SKAP1: variants seen among roughly 807,000 people sequenced by gnomAD.
SKAP1 encodes the protein src kinase associated phosphoprotein 1, also known as src kinase-associated phosphoprotein 1.
A neutral mutation model predicts 58.5 loss-of-function variants in SKAP1; 44 were observed. The ratio of observed to expected loss-of-function variants is 0.75; its 90% CI spans 0.59 to 0.97. SKAP1 has a LOEUF of 0.97. SKAP1 is among the 50% of genes least tolerant of loss of function. SKAP1 has a pLI of 0.00. For synonymous variants in SKAP1, 127 were observed against 149.7 expected (o/e 0.85, Z 1.11); for missense variants, 390 against 435.2 (o/e 0.90, Z 0.92).
intron 4 of SKAP1, among the ~76,000 whole-genome samples, chr17:48,319,138 G>A (rs2066327731): frequency 6.6e-6 from 1 of 152,138 alleles, no homozygotes. Context: ...GTATGAAACT[G>A]GAGCTGGATC....
intron 4 of SKAP1, among the ~76,000 whole-genome samples, chr17:48,306,840 G>A (rs117413142): frequency 6.6e-6 from 1 of 152,148 alleles, no homozygotes; most frequent in Non-Finnish European, 1.5e-5. Flanking sequence ...TTAAAATGGA[G>A]ACTACAACCT....
At chr17:48,164,260 C>T (rs3805363) in intron 10 of SKAP1, among the ~76,000 whole-genome samples, 84,923 of 151,966 alleles carry the variant, frequency 0.56, 24,715 homozygotes, top group East Asian at 0.77. Flanking sequence ...TTTGACTAAA[C>T]TCAGGAATGA....
rs182698083 is a variant in SKAP1 at position 48,173,469 on chromosome 17, A to T, written c.827-2810T>A. On this transcript the variant is annotated intron_variant, in intron 9 of 12. Transcript: ENST00000336915. ...CACATTGTCTTCTCGTTACTCGTCC[A>T]CTTCCTTCCTTTCTCAGCTATGATG... Among the ~76,000 whole-genome samples the T allele has an allele frequency of 4.5e-4, 68 of 151,856 alleles. 2 individuals are homozygous for T. In the East Asian group the frequency reaches 0.013, roughly 28 times the overall value.
At chr17:48,351,722 C>T (rs2094701663) in intron 3 of SKAP1, among the ~76,000 whole-genome samples, 1 of 152,132 alleles carries the variant, frequency 6.6e-6, no homozygotes, top group African/African-American at 2.4e-5. Context: ...CTAAGAATAA[C>T]AGCCTTCTTA....
chr17:48,408,577 A>G (rs963395359), intron 1 of SKAP1, among the ~76,000 whole-genome samples: 1 of 152,220 alleles, frequency 6.6e-6, no homozygotes, highest in African/African-American at 2.4e-5. Context: ...TTAGTAATAC[A>G]TTAAAATATT....
At chr17:48,419,525 C>T (rs2067771057) in intron 1 of SKAP1, among the ~76,000 whole-genome samples, 1 of 152,012 alleles carries the variant, frequency 6.6e-6, no homozygotes, top group Non-Finnish European at 1.5e-5. Flanking sequence ...TCAGGTGATC[C>T]ACCCGCCTCA....
intron 3 of SKAP1, among the ~76,000 whole-genome samples, chr17:48,348,819 C>T (rs1194501189): frequency 6.6e-6 from 1 of 152,166 alleles, no homozygotes; most frequent in Admixed American, 6.5e-5. Flanking sequence ...GTATAGTCAC[C>T]CAAGGTGTGC....
intron 9 of SKAP1, among the ~76,000 whole-genome samples, chr17:48,171,100 T>TG (rs2064208238): frequency 6.9e-6 from 1 of 144,594 alleles, no homozygotes; most frequent in Non-Finnish European, 1.5e-5. Context: ...GTTGTTTTTT[T>TG]TTTTTTTTTT....
At chr17:48,197,874 C>A (rs1161220247) in intron 4 of SKAP1, among the ~76,000 whole-genome samples, 1 of 152,124 alleles carries the variant, frequency 6.6e-6, no homozygotes, top group Non-Finnish European at 1.5e-5. Flanking sequence ...GTCTAGGAGA[C>A]CTGTGGTCTT....
chr17:48,399,215 C>T lies in SKAP1; in HGVS notation c.47-2430G>A, dbSNP rs549659499. ...TCCACTAGGGTCCTTTGAATGCTAA[C>T]GAATGAGGAAATGGGAAGCTGAATT... On this transcript the variant is annotated intron_variant, in intron 1 of 12. Transcript: ENST00000336915. Among the ~76,000 whole-genome samples the T allele has an allele frequency of 2.9e-4, 44 of 151,982 alleles. No homozygotes were observed. In the South Asian group the frequency reaches 2.9e-3, roughly 10 times the overall value.
chr17:48,161,705 A>G (rs1016376981), intron 11 of SKAP1, among the ~76,000 whole-genome samples: 6 of 152,358 alleles, frequency 3.9e-5, no homozygotes, highest in Admixed American at 6.5e-5. Flanking sequence ...TGGCCTTATC[A>G]GCAATTGCTC....
chr17:48,149,820 T>C (rs1036092543), intron 11 of SKAP1, among the ~76,000 whole-genome samples: 14 of 152,184 alleles, frequency 9.2e-5, no homozygotes, highest in African/African-American at 2.7e-4. Context: ...AGCATTTTAA[T>C]AACATTCTTT....
chr17:48,374,787 A>G (rs1187175108), intron 2 of SKAP1, among the ~76,000 whole-genome samples: 1 of 152,248 alleles, frequency 6.6e-6, no homozygotes, highest in East Asian at 1.9e-4. Context: ...ACTAGTGGCA[A>G]AGAGTAACAT....
chr17:48,211,535 T>C (rs1252896762), intron 4 of SKAP1, among the ~76,000 whole-genome samples: 2 of 152,252 alleles, frequency 1.3e-5, no homozygotes, highest in African/African-American at 2.4e-5. Context: ...CGCTGATTTA[T>C]ATATCTCTTA....
chr17:48,361,819 T>A (rs1304137312), intron 3 of SKAP1, among the ~76,000 whole-genome samples: 2 of 152,194 alleles, frequency 1.3e-5, no homozygotes, highest in African/African-American at 4.8e-5. Context: ...GTTCTCTTTC[T>A]TACATATTTC....
chr17:48,392,626 C>T (rs1360993357), intron 2 of SKAP1, among the ~76,000 whole-genome samples: 1 of 152,066 alleles, frequency 6.6e-6, no homozygotes, highest in Non-Finnish European at 1.5e-5. Flanking sequence ...TTTGGGAGGC[C>T]AAGGTGAGTG....
intron 4 of SKAP1, among the ~76,000 whole-genome samples, chr17:48,331,956 T>C (rs1465208943): frequency 6.6e-6 from 1 of 152,166 alleles, no homozygotes; most frequent in African/African-American, 2.4e-5. Context: ...CAAAATATTA[T>C]TTCTTAACAT....
At chr17:48,289,790 A>T (rs2065877922) in intron 4 of SKAP1, among the ~76,000 whole-genome samples, 1 of 151,306 alleles carries the variant, frequency 6.6e-6, no homozygotes, top group Non-Finnish European at 1.5e-5. Context: ...TATATATTTA[A>T]AAATTAATAT....
In SKAP1 at chr17:48,143,997, G is replaced by T. The variant is rs187621725; in HGVS notation, c.979-6660C>A. ...GGTACCTGCAAAAGCCAGGCTCCCA[G>T]TCTGTCTGCTCTTGCTCCAGGGGAA... On this transcript the variant is annotated intron_variant, in intron 11 of 12. Transcript: ENST00000336915. Among the ~76,000 whole-genome samples, 13 of 152,344 alleles carry T rather than the reference G, an allele frequency of 8.5e-5. No homozygotes were observed. In the East Asian group the frequency reaches 2.5e-3, roughly 29 times the overall value.
Sources: gnomAD v4.1 joint callset for allele counts (sites outside exome capture counted in the v4.1 genomes callset) on GRCh38, gnomAD v4.1.1 for gene constraint, MANE v1.5 for transcripts, NCBI Gene and HGNC (gene_info 2026-07-23, HGNC 2026-07-21) for gene names.